The following SH3BGRL2 variants were observed in gnomAD, a reference collection of about 807,000 sequenced individuals.
SH3BGRL2 encodes the protein SH3 domain-binding glutamic acid-rich-like protein 2.
A neutral mutation model predicts 14.8 loss-of-function variants in SH3BGRL2; 21 were observed. The observed-to-expected ratio is 1.42, with a 90% CI of 1.01 to 2.05. SH3BGRL2 has a LOEUF of 2.05. Ranked by LOEUF, SH3BGRL2 falls within the 30% of genes most tolerant of loss-of-function variation. The pLI, the probability that SH3BGRL2 is intolerant of heterozygous loss-of-function variation, is 0.00. For synonymous variants in SH3BGRL2, 50 were observed against 47.8 expected, an observed-to-expected ratio of 1.05 and a Z score of -0.19; for missense variants, 147 against 130.8, an observed-to-expected ratio of 1.12 and a Z score of -0.61.
In SH3BGRL2 at chr6:79,700,553, T is replaced by C. The variant is rs966573837; in HGVS notation, c.*1044T>C. On this transcript the variant is annotated 3_prime_UTR_variant, in exon 4 of 4. Transcript: ENST00000369838. ...CTTTTCATTTGCCTCTAATTTTGCT[T>C]GCTCATATTTCTGGCCAATGTACAG... The C allele has an allele frequency of 2.6e-5, 4 of 152,314 alleles. No individual in the cohort carries two copies. In the South Asian group the frequency reaches 8.3e-4, roughly 32 times the overall value. The allele number at this position is 152,314 out of a possible 1,614,324, so 9.4% of individuals were successfully genotyped here.
chr6:79,590,016 G>T, the SH3BGRL2 span, among the ~76,000 whole-genome samples: 1 of 152,082 alleles, frequency 6.6e-6, no homozygotes, highest in Non-Finnish European at 1.5e-5. Flanking sequence ...GAAGGGATCT[G>T]CCTGCCCCAG....
the SH3BGRL2 span, among the ~76,000 whole-genome samples, chr6:79,568,065 A>G: frequency 6.6e-6 from 1 of 152,182 alleles, no homozygotes; most frequent in Admixed American, 6.5e-5. Context: ...AAAGCTGACA[A>G]ATCAGCTTGC....
the SH3BGRL2 span, among the ~76,000 whole-genome samples, chr6:79,623,130 A>G: frequency 6.6e-6 from 1 of 152,088 alleles, no homozygotes; most frequent in African/African-American, 2.4e-5. Flanking sequence ...ACATAGTGAA[A>G]CCTTGTCTTT....
At chr6:79,549,880 T>A in the SH3BGRL2 span, among the ~76,000 whole-genome samples, 4 of 152,244 alleles carry the variant, frequency 2.6e-5, no homozygotes, top group Admixed American at 2.6e-4. Context: ...CTGACAAAAA[T>A]GATTATCTGT....
At chr6:79,572,712 G>A in the SH3BGRL2 span, among the ~76,000 whole-genome samples, 4 of 152,210 alleles carry the variant, frequency 2.6e-5, no homozygotes, top group African/African-American at 9.6e-5. Context: ...TGATCCGCCC[G>A]CCTTGGCCTC....
At chr6:79,590,499 C>A in the SH3BGRL2 span, among the ~76,000 whole-genome samples, 6 of 128,420 alleles carry the variant, frequency 4.7e-5, no homozygotes, top group Non-Finnish European at 6.5e-5. Flanking sequence ...TAAAAAAGAA[C>A]AGAATCATGT....
rs1770411018 is a variant in SH3BGRL2 at position 79,699,590 on chromosome 6, C to A, written c.*81C>A. 2 of 1,374,538 alleles carry A rather than the reference C, an allele frequency of 1.5e-6. No homozygotes were observed. The highest frequency in any genetic ancestry group is 3.0e-5 in the African/African-American group (2 of 66,320). 85.1% of individuals were successfully genotyped at this position (1,374,538 alleles called of 1,614,324 possible). ...ACACACATGCTTACCTAATGCATCACTGTGACAAAAGCCACACGCATTATC... is the reference window on the plus strand; with the variant it reads ...ACACACATGCTTACCTAATGCATCAATGTGACAAAAGCCACACGCATTATC... On this transcript the variant is annotated 3_prime_UTR_variant, in exon 4 of 4. Transcript: ENST00000369838.
chr6:79,643,567 G>T (rs529408727), intron 1 of SH3BGRL2, among the ~76,000 whole-genome samples: 3 of 152,162 alleles, frequency 2.0e-5, no homozygotes, highest in Admixed American at 1.3e-4. Context: ...CTAATATTTC[G>T]TGATAATAAT....
At chr6:79,597,823 A>G in the SH3BGRL2 span, among the ~76,000 whole-genome samples, 1 of 152,232 alleles carries the variant, frequency 6.6e-6, no homozygotes, top group Non-Finnish European at 1.5e-5. Context: ...GTGAAAAGAC[A>G]ACCCACCAAA....
rs904793102 is a variant in SH3BGRL2, at chr6:79,677,330, A to G, written c.231+3531A>G. ...AGCTAGGCATGTGAGGCATAGAGTA[A>G]ACAGCTGCTAAGCTACTTGGTAACC... On this transcript the variant is annotated intron_variant, in intron 2 of 3. Transcript: ENST00000369838. Among the ~76,000 whole-genome samples the G allele has an allele frequency of 3.9e-5, 6 of 152,172 alleles. No individual in the cohort carries two copies. The East Asian group carries it at 1.2e-3, about 29-fold the overall frequency.
chr6:79,587,921 A>C, the SH3BGRL2 span, among the ~76,000 whole-genome samples: 1 of 151,720 alleles, frequency 6.6e-6, no homozygotes, highest in South Asian at 2.1e-4. Context: ...CATGCCTGTA[A>C]TCCCAGCACT....
chr6:79,577,227 T>C, the SH3BGRL2 span, among the ~76,000 whole-genome samples: 101 of 152,228 alleles, frequency 6.6e-4, no homozygotes, highest in Non-Finnish European at 1.1e-3. Flanking sequence ...GTTTCAGTGA[T>C]CTATACGTTT....
chr6:79,644,886 G>A (rs373068738), intron 1 of SH3BGRL2, among the ~76,000 whole-genome samples: 7 of 151,890 alleles, frequency 4.6e-5, no homozygotes, highest in East Asian at 3.9e-4. Flanking sequence ...TTGGCCGGGC[G>A]CGGTGGCTCA....
chr6:79,696,732 A>G (rs1355826327), intron 3 of SH3BGRL2, among the ~76,000 whole-genome samples, 167 bp downstream of exon 3: 1 of 152,170 alleles, frequency 6.6e-6, no homozygotes, highest in African/African-American at 2.4e-5. Flanking sequence ...AACATACAAC[A>G]GAGGCTAGTT....
chr6:79,562,169 GT>G, the SH3BGRL2 span, among the ~76,000 whole-genome samples: 1 of 152,094 alleles, frequency 6.6e-6, no homozygotes, highest in East Asian at 1.9e-4. Flanking sequence ...AGACATTTGT[GT>G]AGTCCTGTAG....
intron 2 of SH3BGRL2, among the ~76,000 whole-genome samples, chr6:79,687,115 T>G (rs1298705276): frequency 6.6e-6 from 1 of 152,130 alleles, no homozygotes; most frequent in African/African-American, 2.4e-5. Flanking sequence ...TCTAAGCCAT[T>G]ACAAATGTAC....
At chr6:79,623,002 G>A in the SH3BGRL2 span, among the ~76,000 whole-genome samples, 1 of 152,128 alleles carries the variant, frequency 6.6e-6, no homozygotes, top group Non-Finnish European at 1.5e-5. Flanking sequence ...AGAACTTAAT[G>A]AGCTTTAAAA....
the SH3BGRL2 span, among the ~76,000 whole-genome samples, chr6:79,545,282 C>G: frequency 6.6e-6 from 1 of 152,112 alleles, no homozygotes; most frequent in Non-Finnish European, 1.5e-5. Context: ...TGTCAGATGC[C>G]CGTACTTCAG....
the SH3BGRL2 span, among the ~76,000 whole-genome samples, chr6:79,545,022 C>G: frequency 1.3e-5 from 2 of 152,194 alleles, no homozygotes; most frequent in Admixed American, 6.5e-5. Flanking sequence ...GTGTCTCGGT[C>G]TCCCTCTAGT....
Sources: gnomAD v4.1 joint callset for allele counts (sites outside exome capture counted in the v4.1 genomes callset) on GRCh38, gnomAD v4.1.1 for gene constraint, MANE v1.5 for transcripts, NCBI Gene and HGNC (gene_info 2026-07-23, HGNC 2026-07-21) for gene names.